The following CHD7 variants were observed in gnomAD, a reference collection of about 807,000 sequenced individuals.
CHD7 encodes the protein ATP-dependent chromatin remodeler CHD7.
CHD7 carries 24 observed loss-of-function variants against 307.3 expected under a neutral mutation model. The observed-to-expected ratio is 0.08, with a 90% CI of 0.06 to 0.11. The LOEUF is 0.11. CHD7 is among the 10% of genes least tolerant of loss of function. The pLI is 1.00. For missense variants in CHD7, 3,106 were observed against 3,727.1 expected (o/e 0.83, Z 4.34); for synonymous variants, 1,363 against 1,349.9 (o/e 1.01, Z -0.21).
chr8:60,850,573 A>G lies in CHD7; in HGVS notation c.5485A>G (p.Ile1829Val), dbSNP rs2150804809. ...AGTCGGTATGCCTGATGCCAAGGCC[A>G]TAGCTGCCGAGCAAAGAGGAACAGA... ...ERVGMPDAKA[I>V]AAEQRGTDML... is the part of the protein sequence containing the mutation. The change falls in exon 26 of 38, where the codon ATA (isoleucine) becomes GTA (valine). Residue 1829 changes from isoleucine (I) to valine (V), a missense_variant. Physicochemically the swap from Ile to Val is conservative, Grantham distance 29. This residue lies in a region of CHD7 where 1,030 missense variants were observed against 1,165.4 expected (regional missense o/e 0.88). Coordinates refer to ENST00000423902, the MANE Select transcript of CHD7 (RefSeq NM_017780.4). 5.6e-6 allele frequency: 9 copies of G among 1,613,368 alleles called. No individual in the cohort carries two copies. The highest frequency in any genetic ancestry group is 1.3e-5 in the African/African-American group (1 of 75,056).
intron 1 of CHD7, among the ~76,000 whole-genome samples, chr8:60,724,298 G>A (rs931714323): frequency 6.6e-6 from 1 of 152,218 alleles, no homozygotes; most frequent in African/African-American, 2.4e-5. Flanking sequence ...TTGGGTAACA[G>A]CATTTGAGTA....
chr8:60,753,302 A>G (rs1347067589), intron 2 of CHD7, among the ~76,000 whole-genome samples: 1 of 152,102 alleles, frequency 6.6e-6, no homozygotes, highest in Non-Finnish European at 1.5e-5. Flanking sequence ...CGCTGTGGGA[A>G]CCCCTGTGCT....
Position 60,865,705 on chromosome 8 carries a change from A to G in CHD7, c.8766A>G (p.Pro2922=), listed in dbSNP as rs1806214202. The G allele has an allele frequency of 2.5e-6, 4 of 1,607,014 alleles. No homozygotes were observed. The highest frequency in any genetic ancestry group is 1.1e-5 in the South Asian group (1 of 90,726). ...GGGGATTGACGCTGCCTGGGTTCCC[A>G]GCATTGGCAGGACTTCAGAATGCCG... ...GLGGLTLPGF[P]ALAGLQNAVG... is the part of the protein sequence containing the mutation. Residue 2922 remains proline, a synonymous_variant, in exon 38 of 38, where the codon CCA becomes CCG. Transcript: ENST00000423902. This position sits in a 1 kb window ranked among gnomAD's most constrained non-coding sequence, Gnocchi z 4.3.
intron 9 of CHD7, among the ~76,000 whole-genome samples, chr8:60,820,525 A>C (rs1803977347): frequency 1.3e-5 from 2 of 152,236 alleles, no homozygotes; most frequent in African/African-American, 4.8e-5. Flanking sequence ...AGAGGCTAAT[A>C]GACATTATTT....
At position 60,867,613 on chromosome 8, in the gene CHD7, T is replaced by C. The variant is rs1011857085; in HGVS notation, c.*1680T>C. The C allele has an allele frequency of 1.3e-5, 2 of 152,256 alleles. No individual in the cohort carries two copies. Among genetic ancestry groups the C allele is most frequent in the African/African-American group, 4.8e-5 (2 of 41,452 alleles). The allele number at this position is 152,256 out of a possible 1,614,324, so 9.4% of individuals were successfully genotyped here. A position where few individuals can be genotyped will look rare whatever the true frequency, so the allele number is the denominator to read the frequency against. ...TGTGGACGAGAGTGTTTCGTGTGTG[T>C]TGCCTTCCTCCACACCCTTCCCCCA... On this transcript the variant is annotated 3_prime_UTR_variant, in exon 38 of 38. Coordinates refer to ENST00000423902, the MANE Select transcript of CHD7 (RefSeq NM_017780.4).
chr8:60,828,910 T>C (rs1187027636), intron 14 of CHD7, 104 bp downstream of exon 14: 1 of 1,032,182 alleles, frequency 9.7e-7, no homozygotes, highest in Non-Finnish European at 1.4e-6. Context: ...TTACAGTTTT[T>C]CCCACCTAGT....
intron 15 of CHD7, among the ~76,000 whole-genome samples, chr8:60,832,340 G>T (rs1179826100): frequency 6.6e-6 from 1 of 152,026 alleles, no homozygotes; most frequent in Non-Finnish European, 1.5e-5. Flanking sequence ...ATTTCTTTTT[G>T]TGCTTTTAGT....
chr8:60,695,269 C>T (rs576833742), intron 1 of CHD7, among the ~76,000 whole-genome samples: 3 of 152,216 alleles, frequency 2.0e-5, no homozygotes, highest in Admixed American at 6.5e-5. Flanking sequence ...ACTTACAGTT[C>T]AAGAAAATAG....
rs970020036 is a variant in CHD7, at chr8:60,865,527, C to A, written c.8588C>A (p.Ala2863Asp). ...AAAGACTCTGAGAAAAGCACAGATGCTGTTTCGGCTGCTGACTCTGCGAAT... is the reference window on the plus strand; with the variant it reads ...AAAGACTCTGAGAAAAGCACAGATGATGTTTCGGCTGCTGACTCTGCGAAT... ...ENKDSEKSTDAVSAADSANGS... is the reference protein window; with the variant it reads ...ENKDSEKSTDDVSAADSANGS... Residue 2863 changes from alanine (A) to aspartate (D), a missense_variant, in exon 38 of 38, where the codon GCT becomes GAT. Around this residue, in one of 10 missense-constraint regions of CHD7, gnomAD observed 351 missense variants for 366.2 expected, o/e 0.96. Coordinates refer to ENST00000423902, the MANE Select transcript of CHD7 (RefSeq NM_017780.4). The surrounding 1 kb of genome is among the most constrained non-coding windows in gnomAD (Gnocchi z 4.3). 8.1e-6 allele frequency: 13 copies of A among 1,613,954 alleles called. No individual in the cohort carries two copies. Among genetic ancestry groups the A allele is most frequent in the Non-Finnish European group, 1.1e-5 (13 of 1,179,918 alleles).
chr8:60,769,416 T>C (rs1810611360), intron 2 of CHD7, among the ~76,000 whole-genome samples: 1 of 152,234 alleles, frequency 6.6e-6, no homozygotes, highest in Non-Finnish European at 1.5e-5. Context: ...TTAGTACTTT[T>C]ATCTCATAAA....
At chr8:60,799,791 A>G (rs1212423659) in intron 4 of CHD7, among the ~76,000 whole-genome samples, 1 of 152,184 alleles carries the variant, frequency 6.6e-6, no homozygotes, top group Non-Finnish European at 1.5e-5. Context: ...TTTGATGGAC[A>G]TACTGACTGA....
At chr8:60,790,410 G>A (rs766585988) in intron 3 of CHD7, among the ~76,000 whole-genome samples, 1 of 152,196 alleles carries the variant, frequency 6.6e-6, no homozygotes, top group Admixed American at 6.5e-5. Context: ...TTGTGAGTAT[G>A]GAGGCAAGGT....
At chr8:60,725,523 G>A (rs972007218) in intron 1 of CHD7, among the ~76,000 whole-genome samples, 1 of 152,180 alleles carries the variant, frequency 6.6e-6, no homozygotes, top group Non-Finnish European at 1.5e-5. Context: ...TTGACATTAA[G>A]CTATTTTATT....
chr8:60,850,144 G>A (rs938933572), intron 25 of CHD7, among the ~76,000 whole-genome samples: 24 of 152,154 alleles, frequency 1.6e-4, no homozygotes, highest in African/African-American at 5.8e-4. Context: ...CCCTGCAGAG[G>A]TCATAAAGGA....
intron 2 of CHD7, among the ~76,000 whole-genome samples, chr8:60,755,507 A>G (rs577684637): frequency 6.6e-6 from 1 of 152,224 alleles, no homozygotes; most frequent in Non-Finnish European, 1.5e-5. Context: ...CCAACTTTAT[A>G]CACTATAGTT....
chr8:60,720,245 G>A (rs936858755), intron 1 of CHD7, among the ~76,000 whole-genome samples: 48 of 152,236 alleles, frequency 3.2e-4, no homozygotes, highest in African/African-American at 1.0e-3. Flanking sequence ...AAAATGGCAC[G>A]GCTGTAAAGA....
intron 1 of CHD7, among the ~76,000 whole-genome samples, chr8:60,684,176 T>A (rs753010719): frequency 3.9e-5 from 6 of 152,196 alleles, no homozygotes; most frequent in Non-Finnish European, 7.3e-5. Context: ...TGAAGAAACT[T>A]AACTTGTCAG....
rs771014333 is a variant in CHD7, at chr8:60,853,098, T to C, written c.6373T>C (p.Leu2125=). 6.2e-7 allele frequency: 1 copy of C among 1,613,962 alleles called. No homozygotes were observed. The highest frequency in any genetic ancestry group is 8.5e-7 in the Non-Finnish European group (1 of 1,179,882). Residue 2125 remains leucine, a synonymous_variant, in exon 31 of 38, where the codon TTG becomes CTG. Transcript: ENST00000423902. ...CCTCAATGACCCTGAGTTATCCTTC[T>C]TGGATGCACATAAAAACTTTGCTCA... ...HILNDPELSF[L]DAHKNFAQNR...
chr8:60,785,821 A>AT lies in CHD7; in HGVS notation c.2096+4403dup, dbSNP rs767468853. ...AAATTAAACCCTCAGCCTTCCTTTG[A>AT]TTTTTTTTTTTTGTAGCTGTCCTGA... is the stretch of plus-strand genomic sequence containing the variant. On this transcript the variant is annotated intron_variant, in intron 3 of 37. Coordinates refer to ENST00000423902, the MANE Select transcript of CHD7 (RefSeq NM_017780.4). Among the ~76,000 whole-genome samples the AT allele has an allele frequency of 5.9e-3, 848 of 144,750 alleles. 2 individuals carry two copies. Among genetic ancestry groups the AT allele is most frequent in the Admixed American group, 0.019 (283 of 14,600 alleles). 95.0% of individuals were successfully genotyped at this position (144,750 alleles called of 152,430 possible).
Sources: gnomAD v4.1 joint callset for allele counts (sites outside exome capture counted in the v4.1 genomes callset) on GRCh38, gnomAD v4.1.1 for gene constraint, gnomAD v4.1.1 regional missense constraint, Gnocchi (gnomAD v3.1) non-coding constraint, MANE v1.5 for transcripts, NCBI Gene and HGNC (gene_info 2026-07-23, HGNC 2026-07-21) for gene names.